Variants in RHBDL2 observed in about 807,000 individuals in gnomAD.
The protein encoded by RHBDL2 is rhomboid-related protein 2.
A neutral mutation model predicts 31.7 loss-of-function variants in RHBDL2; 26 were observed. That is an observed-to-expected ratio of 0.82 (90% CI 0.60 to 1.14). The LOEUF (loss-of-function observed/expected upper bound fraction) is 1.14, where lower values mean the gene tolerates loss of function less well. Ranked by LOEUF, RHBDL2 falls within the 50% of genes most tolerant of loss-of-function variation. The pLI, the probability that RHBDL2 is intolerant of heterozygous loss-of-function variation, is 0.00. For synonymous variants in RHBDL2, 123 were observed against 127.2 expected (o/e 0.97, Z 0.22); for missense variants, 336 against 364.4 (o/e 0.92, Z 0.63).
At position 38,911,585 on chromosome 1, in the gene RHBDL2, T is replaced by C. The variant is rs1643142212; in HGVS notation, c.396-151A>G. The stretch of plus-strand genomic sequence containing the variant: ...AATTTTTCTTCGCAGACAACTCTTT[T>C]TTTCTTTTTCTTTTTTCTGTGTGTG... On this transcript the variant is annotated intron_variant, in intron 3 of 7. Transcript: ENST00000372990. The C allele has an allele frequency of 6.5e-6, 4 of 612,814 alleles. No homozygotes were observed. In the Admixed American group the frequency reaches 1.1e-4, roughly 17 times the overall value. The allele number at this position is 612,814 out of a possible 1,614,324, so 38.0% of individuals were successfully genotyped here.
intron 3 of RHBDL2, among the ~76,000 whole-genome samples, chr1:38,912,904 A>ATG (rs1643171865): frequency 1.8e-4 from 6 of 32,590 alleles, no homozygotes; most frequent in East Asian, 9.7e-4. Context: ...ATATATATAT[A>ATG]TATATATGTG....
intron 1 of RHBDL2, chr1:38,927,071 AG>A (rs1236222139): frequency 6.6e-6 from 1 of 151,832 alleles, no homozygotes; most frequent in Non-Finnish European, 1.5e-5. Context: ...AGGAGGGAAA[AG>A]GGGGAAGGAG....
rs869081947 is a variant in RHBDL2 at position 38,912,910 on chromosome 1, ATGTGTG to A, written c.396-1482_396-1477del. Among the ~76,000 whole-genome samples the A allele has an allele frequency of 2.1e-3, 86 of 41,334 alleles. 1 individual carries two copies. Among genetic ancestry groups the A allele is most frequent in the East Asian group, 0.012 (24 of 2,050 alleles). 27.1% of individuals were successfully genotyped at this position (41,334 alleles called of 152,430 possible). The stretch of plus-strand genomic sequence containing the variant: ...TATATATATATATATATATATATAT[ATGTGTG>A]TGTGTGTGTGTGTGTGTGTGTGTGT... On this transcript the variant is annotated intron_variant, in intron 3 of 7. Transcript: ENST00000372990.
At chr1:38,899,338 G>A (rs182086162) in intron 4 of RHBDL2, among the ~76,000 whole-genome samples, 1 of 152,202 alleles carries the variant, frequency 6.6e-6, no homozygotes, top group Non-Finnish European at 1.5e-5. Context: ...CAAAGGTGGG[G>A]CAGACCTTGG....
At chr1:38,911,174 T>C (rs1294988026) in intron 4 of RHBDL2, 148 bp downstream of exon 4, 6 of 526,536 alleles carry the variant, frequency 1.1e-5, no homozygotes, top group Non-Finnish European at 1.7e-5. Context: ...TCTAATTCAA[T>C]GATCTCTAAG....
intron 2 of RHBDL2, 70 bp from the exon 3 acceptor site, chr1:38,915,780 G>A (rs41270791): frequency 0.021 from 30,464 of 1,469,254 alleles, 401 homozygotes; most frequent in Middle Eastern, 0.027. Flanking sequence ...AAGCCCGTGG[G>A]CAGTAACTGT....
intron 6 of RHBDL2, among the ~76,000 whole-genome samples, chr1:38,891,974 C>A (rs3790442): frequency 0.36 from 54,628 of 152,000 alleles, 10,986 homozygotes; most frequent in Non-Finnish European, 0.45. Flanking sequence ...ACCACCCCCA[C>A]CTTTGCTCTT....
chr1:38,916,253 G>A (rs367647092), intron 2 of RHBDL2, among the ~76,000 whole-genome samples: 10 of 152,186 alleles, frequency 6.6e-5, no homozygotes, highest in Non-Finnish European at 1.2e-4. Context: ...CTTCACCTCC[G>A]TGGTATTCTT....
At chr1:38,897,257 C>A (rs908739842) in intron 4 of RHBDL2, among the ~76,000 whole-genome samples, 1 of 152,028 alleles carries the variant, frequency 6.6e-6, no homozygotes, top group East Asian at 1.9e-4. Flanking sequence ...CCCGCCACCA[C>A]GCCTGGCTAA....
At chr1:38,926,157 C>T in intron 1 of RHBDL2, 1 of 1,081,338 alleles carries the variant, frequency 9.2e-7, no homozygotes, top group Non-Finnish European at 1.1e-6. Flanking sequence ...CTTGACCAAT[C>T]AGCTGCATTT....
chr1:38,932,155 G>A (rs534083145), intron 1 of RHBDL2, among the ~76,000 whole-genome samples: 2 of 151,922 alleles, frequency 1.3e-5, no homozygotes, highest in Non-Finnish European at 2.9e-5. Context: ...GTGCCCACAT[G>A]GAAAGAGAGG....
At chr1:38,940,166 A>G (rs956599206) in intron 1 of RHBDL2, among the ~76,000 whole-genome samples, 2 of 152,158 alleles carry the variant, frequency 1.3e-5, no homozygotes, top group African/African-American at 4.8e-5. Context: ...ATATCATAAG[A>G]GGATTATGAT....
In RHBDL2 at chr1:38,919,208, GCCATTGTCCTGGGT is replaced by G; in HGVS notation, c.-10_4del. ...CTCCATCTCCAGATCATGAACAGCAGCCATTGTCCTGGGTCCTCCCTCCTCCCCAGAAGGACATG... is the reference window on the plus strand; with the variant it reads ...CTCCATCTCCAGATCATGAACAGCAGCCTCCCTCCTCCCCAGAAGGACATG... On this transcript the variant is annotated start_lost and 5_prime_UTR_variant, in exon 2 of 8. Transcript: ENST00000372990. 16 of 1,614,044 alleles carry G rather than the reference GCCATTGTCCTGGGT, an allele frequency of 9.9e-6. No individual in the cohort carries two copies. Among genetic ancestry groups the G allele is most frequent in the Non-Finnish European group, 1.4e-5 (16 of 1,180,018 alleles).
intron 1 of RHBDL2, among the ~76,000 whole-genome samples, chr1:38,922,544 C>T (rs1372111114): frequency 2.5e-5 from 3 of 117,962 alleles, no homozygotes; most frequent in African/African-American, 1.0e-4. Flanking sequence ...GCTGGGATTA[C>T]AAGTGTGAGC....
chr1:38,899,611 A>C (rs114306113), intron 4 of RHBDL2, among the ~76,000 whole-genome samples: 8,422 of 152,340 alleles, frequency 0.055, 273 homozygotes, highest in Non-Finnish European at 0.063. Context: ...GGCCACAGCC[A>C]GGTTTCCCTT....
chr1:38,906,528 G>A (rs1197092893), intron 4 of RHBDL2, among the ~76,000 whole-genome samples: 1 of 152,022 alleles, frequency 6.6e-6, no homozygotes, highest in Non-Finnish European at 1.5e-5. Context: ...CAAAAAATTA[G>A]CTGGGTGTGG....
intron 3 of RHBDL2, among the ~76,000 whole-genome samples, chr1:38,915,129 C>T (rs1643214382): frequency 6.6e-6 from 1 of 150,880 alleles, no homozygotes; most frequent in South Asian, 2.1e-4. Context: ...GAACAAGTGA[C>T]TACATCTTTT....
At chr1:38,930,725 T>C (rs897270257) in intron 1 of RHBDL2, among the ~76,000 whole-genome samples, 7 of 152,242 alleles carry the variant, frequency 4.6e-5, no homozygotes, top group African/African-American at 1.7e-4. Context: ...CCTGAGCCAC[T>C]TCCCCCTTAA....
intron 2 of RHBDL2, among the ~76,000 whole-genome samples, chr1:38,918,166 G>C (rs539645422): frequency 6.6e-6 from 1 of 152,044 alleles, no homozygotes; most frequent in Non-Finnish European, 1.5e-5. Flanking sequence ...CTTCCCCCAG[G>C]GAACACACAC....
Sources: allele counts gnomAD v4.1 joint callset (sites outside exome capture counted in the v4.1 genomes callset), GRCh38; gene constraint gnomAD v4.1.1; transcripts MANE v1.5; gene names NCBI Gene and HGNC (gene_info 2026-07-23, HGNC 2026-07-21).